The following NEK11 variants were observed in gnomAD, a reference collection of about 807,000 sequenced individuals.
NEK11 encodes the protein NIMA related kinase 11, also known as serine/threonine-protein kinase Nek11.
A neutral mutation model predicts 80.7 loss-of-function variants in NEK11; 72 were observed. That is an observed-to-expected ratio of 0.89 (90% CI 0.74 to 1.08). The LOEUF (loss-of-function observed/expected upper bound fraction) is 1.08. Ranked by LOEUF, NEK11 falls within the 50% of genes least tolerant of loss-of-function variation. NEK11 has a pLI of 0.00. For synonymous variants in NEK11, 251 were observed against 260.7 expected, an observed-to-expected ratio of 0.96 and a Z score of 0.36; for missense variants, 764 against 763.6, an observed-to-expected ratio of 1.00 and a Z score of -0.01.
chr3:131,209,269 G>A (rs770119769), intron 14 of NEK11, among the ~76,000 whole-genome samples: 1 of 152,074 alleles, frequency 6.6e-6, no homozygotes, highest in African/African-American at 2.4e-5. Context: ...TTTATATGAT[G>A]GATTATGTTT....
intron 17 of NEK11, among the ~76,000 whole-genome samples, chr3:131,286,403 A>C (rs1323052258): frequency 6.6e-6 from 1 of 152,198 alleles, no homozygotes; most frequent in East Asian, 1.9e-4. Context: ...AGCTGTAAGT[A>C]AACTATGTTA....
intron 7 of NEK11, among the ~76,000 whole-genome samples, chr3:131,139,820 T>G (rs1560597058): frequency 6.6e-6 from 1 of 152,204 alleles, no homozygotes; most frequent in Non-Finnish European, 1.5e-5. Flanking sequence ...AGACTAGTCT[T>G]TCTATAGGAA....
At chr3:131,174,665 C>A in intron 14 of NEK11, 2 of 1,195,218 alleles carry the variant, frequency 1.7e-6, no homozygotes, top group South Asian at 1.6e-5. Context: ...AGAAATTATC[C>A]CCATTTAACT....
At chr3:131,220,156 C>T (rs2107653448) in intron 14 of NEK11, among the ~76,000 whole-genome samples, 1 of 152,084 alleles carries the variant, frequency 6.6e-6, no homozygotes. Flanking sequence ...ATTGTGCTTA[C>T]CTTATACAAA....
At chr3:131,272,449 G>C (rs890506559) in intron 16 of NEK11, among the ~76,000 whole-genome samples, 1 of 121,928 alleles carries the variant, frequency 8.2e-6, no homozygotes, top group Non-Finnish European at 1.7e-5. Context: ...TTGCTAATGG[G>C]CCAGTTTTAG....
Position 131,076,705 on chromosome 3 carries a change from A to G in NEK11, c.171-3718A>G, listed in dbSNP as rs139709528. 2.3e-3 allele frequency among the ~76,000 whole-genome samples: 357 copies of G among 152,356 alleles called. 3 individuals are homozygous for G. The Middle Eastern group carries it at 0.027, about 12-fold the overall frequency. On this transcript the variant is annotated intron_variant, in intron 3 of 17. Coordinates refer to ENST00000383366, the MANE Select transcript of NEK11 (RefSeq NM_024800.5). ...ACATCAGGGTCACAGCTCTGAAATCAGAAAGGCCTCAGACATCCTTACCTC... is the reference window on the plus strand; with the variant it reads ...ACATCAGGGTCACAGCTCTGAAATCGGAAAGGCCTCAGACATCCTTACCTC...
chr3:131,032,449 T>G (rs2065012205), intron 3 of NEK11, among the ~76,000 whole-genome samples: 1 of 152,234 alleles, frequency 6.6e-6, no homozygotes, highest in African/African-American at 2.4e-5. Flanking sequence ...CTACCTCTCC[T>G]TACTGTCTCT....
intron 17 of NEK11, among the ~76,000 whole-genome samples, chr3:131,339,901 T>C (rs1188836431): frequency 6.6e-6 from 1 of 152,210 alleles, no homozygotes; most frequent in African/African-American, 2.4e-5. Flanking sequence ...AGTCATCCTT[T>C]AGGCTAATAC....
chr3:131,334,747 G>T (rs1003788560), intron 17 of NEK11, among the ~76,000 whole-genome samples: 1 of 152,122 alleles, frequency 6.6e-6, no homozygotes, highest in African/African-American at 2.4e-5. Context: ...AAAAAAGGGA[G>T]AAGAATCAAA....
At chr3:131,199,142 A>C (rs1200975651) in intron 14 of NEK11, among the ~76,000 whole-genome samples, 2 of 152,210 alleles carry the variant, frequency 1.3e-5, no homozygotes, top group Non-Finnish European at 2.9e-5. Context: ...CAAAAGACAT[A>C]ATAAAGATAA....
chr3:131,341,142 T>C (rs947181134), intron 17 of NEK11, among the ~76,000 whole-genome samples: 1 of 152,178 alleles, frequency 6.6e-6, no homozygotes, highest in African/African-American at 2.4e-5. Flanking sequence ...AATCTAAAAA[T>C]TCAAATGCAT....
chr3:131,058,984 C>A (rs960124374), intron 3 of NEK11, among the ~76,000 whole-genome samples: 2 of 152,098 alleles, frequency 1.3e-5, no homozygotes, highest in African/African-American at 4.8e-5. Flanking sequence ...ACTTCAAAAG[C>A]ATCTTTTCAT....
chr3:131,285,185 A>G (rs898553129), intron 17 of NEK11, among the ~76,000 whole-genome samples: 5 of 152,186 alleles, frequency 3.3e-5, no homozygotes, highest in African/African-American at 1.2e-4. Context: ...AGGTGGGCCC[A>G]TTGGAAAGGA....
chr3:131,168,993 A>C, intron 13 of NEK11, 56 bp downstream of exon 13: 1 of 1,340,616 alleles, frequency 7.5e-7, no homozygotes, highest in Non-Finnish European at 1.1e-6. Flanking sequence ...TGATATCCAG[A>C]GAACAAAGGG....
At chr3:131,314,762 T>G (rs530650158) in intron 17 of NEK11, among the ~76,000 whole-genome samples, 1 of 152,346 alleles carries the variant, frequency 6.6e-6, no homozygotes, top group East Asian at 1.9e-4. Context: ...GCATCATAGG[T>G]GGAAAACAGC....
chr3:131,206,199 T>C (rs780822189), intron 14 of NEK11, among the ~76,000 whole-genome samples: 4 of 152,168 alleles, frequency 2.6e-5, no homozygotes, highest in Non-Finnish European at 5.9e-5. Context: ...GCTCTCCAGA[T>C]AGGTTTGAAA....
chr3:131,107,249 G>A (rs970107336), intron 4 of NEK11, among the ~76,000 whole-genome samples: 27 of 151,932 alleles, frequency 1.8e-4, no homozygotes, highest in African/African-American at 6.5e-4. Flanking sequence ...CACAGGTTCT[G>A]GGACCATAAT....
intron 14 of NEK11, among the ~76,000 whole-genome samples, chr3:131,182,424 C>T (rs574391356): frequency 7.2e-5 from 11 of 152,238 alleles, no homozygotes; most frequent in African/African-American, 2.4e-4. Flanking sequence ...TATGTGAAGT[C>T]GCCAGCATTT....
chr3:131,150,697 T>C (rs1321308849), intron 7 of NEK11, among the ~76,000 whole-genome samples: 2 of 152,036 alleles, frequency 1.3e-5, no homozygotes, highest in African/African-American at 4.8e-5. Context: ...TGTCATGAAT[T>C]TTTATTCTAC....
Sources: gnomAD v4.1 joint callset for allele counts (sites outside exome capture counted in the v4.1 genomes callset) on GRCh38, gnomAD v4.1.1 for gene constraint, MANE v1.5 for transcripts, NCBI Gene and HGNC (gene_info 2026-07-23, HGNC 2026-07-21) for gene names.